The following CSTF3 variants were observed in gnomAD, a reference collection of about 807,000 sequenced individuals.
CSTF3 encodes cleavage stimulation factor subunit 3.
CSTF3 carries 29 observed loss-of-function variants against 105.8 expected under a neutral mutation model. The ratio of observed to expected loss-of-function variants is 0.27; its 90% CI spans 0.20 to 0.37. The LOEUF (loss-of-function observed/expected upper bound fraction) is 0.37, where lower values mean the gene tolerates loss of function less well. Ranked by LOEUF, CSTF3 falls within the 10% of genes least tolerant of loss-of-function variation. CSTF3 has a pLI of 1.00. For synonymous variants in CSTF3, 252 were observed against 281.9 expected (o/e 0.89, Z 1.06); for missense variants, 357 against 879.3 (o/e 0.41, Z 7.51).
At chr11:33,098,627 T>A in intron 13 of CSTF3, 63 bp downstream of exon 13, 1 of 969,406 alleles carries the variant, frequency 1.0e-6, no homozygotes, top group Middle Eastern at 2.3e-4. Flanking sequence ...GTATATAAAT[T>A]TAAATTATTT....
intron 20 of CSTF3, 110 bp from the exon 21 acceptor site, chr11:33,085,399 A>C (rs1389111231): frequency 2.3e-6 from 2 of 866,628 alleles, no homozygotes; most frequent in Non-Finnish European, 3.4e-6. Context: ...AAAACATGGG[A>C]TAGTACTACT....
chr11:33,108,086 T>C, intron 4 of CSTF3, 86 bp from the exon 5 acceptor site: 1 of 792,932 alleles, frequency 1.3e-6, no homozygotes, highest in South Asian at 2.2e-5. Flanking sequence ...AAACACAAAT[T>C]CAGCTCCCTT....
chr11:33,155,436 T>C (rs1482190414), intron 1 of CSTF3, among the ~76,000 whole-genome samples: 1 of 151,572 alleles, frequency 6.6e-6, no homozygotes, highest in African/African-American at 2.4e-5. Context: ...AATAATTATA[T>C]TTACCATTAT....
At position 33,159,353 on chromosome 11, in the gene CSTF3, T is replaced by C. The variant is rs557951992; in HGVS notation, c.27+1946A>G. Among the ~76,000 whole-genome samples, 133 of 152,036 alleles carry C rather than the reference T, an allele frequency of 8.7e-4. 1 individual carries two copies. Among genetic ancestry groups the C allele is most frequent in the South Asian group, 4.8e-3 (23 of 4,818 alleles). On this transcript the variant is annotated intron_variant, in intron 1 of 20. Coordinates refer to ENST00000323959, the MANE Select transcript of CSTF3 (RefSeq NM_001326.3). ...GCTCACGCCTGTAAATCCAGCACTT[T>C]GGAAGGCAGAGGTAGGCGGATCACT...
At chr11:33,116,920 CT>C (rs992534370) in intron 3 of CSTF3, among the ~76,000 whole-genome samples, 208 of 141,132 alleles carry the variant, frequency 1.5e-3, no homozygotes, top group South Asian at 1.1e-3. Flanking sequence ...GAACAACAGA[CT>C]TTTTTTTTTT....
chr11:33,131,488 GTA>G (rs1753271374), intron 3 of CSTF3, among the ~76,000 whole-genome samples: 2 of 152,208 alleles, frequency 1.3e-5, no homozygotes, highest in East Asian at 3.9e-4. Context: ...AGGTCAGTTC[GTA>G]TAATGGCTAG....
chr11:33,090,462 G>C, intron 17 of CSTF3, 70 bp downstream of exon 17: 3 of 896,902 alleles, frequency 3.3e-6, no homozygotes, highest in Non-Finnish European at 4.7e-6. Context: ...TTAGAGTGCA[G>C]GTTATCAATG....
chr11:33,154,378 C>CTAAA (rs368824803), intron 1 of CSTF3, among the ~76,000 whole-genome samples: 1 of 151,238 alleles, frequency 6.6e-6, no homozygotes, highest in African/African-American at 2.4e-5. Context: ...GAATTTTTTG[C>CTAAA]TAAAATATTA....
At chr11:33,136,061 A>G (rs1202721294) in intron 3 of CSTF3, 1 of 152,522 alleles carries the variant, frequency 6.6e-6, no homozygotes, top group East Asian at 1.9e-4. Flanking sequence ...TAACACTTGC[A>G]AATAGAAAAT....
intron 3 of CSTF3, among the ~76,000 whole-genome samples, chr11:33,127,012 T>C (rs380540): frequency 0.56 from 84,505 of 151,910 alleles, 26,089 homozygotes; most frequent in Non-Finnish European, 0.69. Context: ...CTGAAGAAAG[T>C]AAAGCAGCTA....
intron 8 of CSTF3, among the ~76,000 whole-genome samples, chr11:33,104,908 G>A (rs994716677): frequency 6.6e-5 from 10 of 152,174 alleles, no homozygotes; most frequent in Admixed American, 1.3e-4. Context: ...ATATACATAC[G>A]AAAAACTTTC....
intron 1 of CSTF3, among the ~76,000 whole-genome samples, chr11:33,144,431 A>G (rs1197389111): frequency 6.6e-6 from 1 of 152,200 alleles, no homozygotes; most frequent in Non-Finnish European, 1.5e-5. Context: ...CTCTTCCCAT[A>G]TATGAAACTA....
chr11:33,152,577 T>C (rs1208366939), intron 1 of CSTF3, among the ~76,000 whole-genome samples: 1 of 152,180 alleles, frequency 6.6e-6, no homozygotes, highest in African/African-American at 2.4e-5. Flanking sequence ...CTCAGAGAAA[T>C]AGAACTTACA....
chr11:33,098,621 ATAAATT>A, intron 13 of CSTF3, 63 bp downstream of exon 13: 1 of 929,208 alleles, frequency 1.1e-6, no homozygotes, highest in Non-Finnish European at 1.7e-6. Context: ...TTTATTGTAT[ATAAATT>A]TAAATTATTT....
chr11:33,107,645 C>T (rs1191652190), intron 5 of CSTF3, among the ~76,000 whole-genome samples: 4 of 151,410 alleles, frequency 2.6e-5, no homozygotes, highest in Non-Finnish European at 5.9e-5. Context: ...ACAAGTCTGT[C>T]AACAAAGTGG....
At chr11:33,120,151 A>T (rs927761144) in intron 3 of CSTF3, among the ~76,000 whole-genome samples, 1 of 151,798 alleles carries the variant, frequency 6.6e-6, no homozygotes. Flanking sequence ...TAAAACAAAA[A>T]CTGGAAACAC....
rs1435949008 is a variant in CSTF3, at chr11:33,099,212, T to C, written c.937-62A>G. ...TTAATATAGTTGTGAGAGAATAAAA[T>C]TAATAAAGTTACATCTACTTTATTT... On this transcript the variant is annotated intron_variant, in intron 11 of 20. Transcript: ENST00000323959. The surrounding 1 kb of genome is among the most constrained non-coding windows in gnomAD (Gnocchi z 4.1). 5.9e-6 allele frequency: 9 copies of C among 1,532,542 alleles called. No homozygotes were observed. The East Asian group carries it at 9.3e-5, about 16-fold the overall frequency. 94.9% of individuals were successfully genotyped at this position (1,532,542 alleles called of 1,614,324 possible).
chr11:33,119,751 C>T (rs913773429), intron 3 of CSTF3, among the ~76,000 whole-genome samples: 4 of 151,796 alleles, frequency 2.6e-5, no homozygotes, highest in African/African-American at 9.7e-5. Context: ...GATACCCTAT[C>T]ACTTTTTCCA....
At chr11:33,108,262 C>T (rs1171159513) in intron 4 of CSTF3, 124 bp downstream of exon 4, 1 of 989,318 alleles carries the variant, frequency 1.0e-6, no homozygotes, top group African/African-American at 1.7e-5. Context: ...TGAATAAGTA[C>T]AATTAACTTG....
Sources: gnomAD v4.1 joint callset for allele counts (sites outside exome capture counted in the v4.1 genomes callset) on GRCh38, gnomAD v4.1.1 for gene constraint, Gnocchi (gnomAD v3.1) non-coding constraint, MANE v1.5 for transcripts, NCBI Gene and HGNC (gene_info 2026-07-23, HGNC 2026-07-21) for gene names.